DPH6: variants seen among roughly 807,000 people sequenced by gnomAD.
DPH6 encodes the protein diphthine--ammonia ligase.
Under a neutral mutation model 38.2 loss-of-function variants are expected in DPH6, and 33 were observed. That is an observed-to-expected ratio of 0.86 (90% CI 0.65 to 1.15). DPH6 has a LOEUF of 1.15. DPH6 is among the 50% of genes most tolerant of loss of function. DPH6 has a pLI of 0.00. For synonymous variants in DPH6, 108 were observed against 103.0 expected, an observed-to-expected ratio of 1.05 and a Z score of -0.30; for missense variants, 325 against 320.0, an observed-to-expected ratio of 1.02 and a Z score of -0.12.
chr15:35,218,394 A>G (rs2051422294), exon 4 of DPH6: 3 of 152,220 alleles, frequency 2.0e-5, no homozygotes, highest in African/African-American at 7.2e-5. Flanking sequence ...AAAGTGCACA[A>G]AAGATTCAGT....
the DPH6 span, among the ~76,000 whole-genome samples, chr15:35,175,405 C>T: frequency 2.0e-5 from 3 of 152,142 alleles, no homozygotes; most frequent in Non-Finnish European, 4.4e-5. Context: ...TCTCTGTGAC[C>T]CTCGTGAGCT....
chr15:35,496,454 T>C (rs375337586), intron 3 of DPH6, among the ~76,000 whole-genome samples: 5 of 146,452 alleles, frequency 3.4e-5, no homozygotes, highest in East Asian at 4.0e-4. Flanking sequence ...ACTTGGGAGG[T>C]TGAGGCAGGA....
intron 3 of DPH6, among the ~76,000 whole-genome samples, chr15:35,457,057 G>A (rs1040806554): frequency 6.6e-6 from 1 of 151,956 alleles, no homozygotes; most frequent in African/African-American, 2.4e-5. Flanking sequence ...GGGTTCAAGC[G>A]ATTCTTCTGC....
At chr15:35,182,387 A>G in the DPH6 span, among the ~76,000 whole-genome samples, 2 of 152,108 alleles carry the variant, frequency 1.3e-5, no homozygotes, top group African/African-American at 2.4e-5. Flanking sequence ...TTTAGTTTCT[A>G]TTGAAGAACT....
intron 6 of DPH6, among the ~76,000 whole-genome samples, chr15:35,389,758 T>G (rs1168865064): frequency 2.0e-5 from 3 of 152,226 alleles, no homozygotes; most frequent in Non-Finnish European, 4.4e-5. Flanking sequence ...ATTGGTTTCC[T>G]GAATACAGCA....
At chr15:35,184,226 T>C in the DPH6 span, among the ~76,000 whole-genome samples, 4 of 152,352 alleles carry the variant, frequency 2.6e-5, no homozygotes, top group African/African-American at 9.6e-5. Context: ...AGTTTTGCGA[T>C]GGTTTCATTC....
chr15:35,459,685 T>C (rs911206096), intron 3 of DPH6, among the ~76,000 whole-genome samples: 2 of 151,960 alleles, frequency 1.3e-5, no homozygotes, highest in African/African-American at 4.8e-5. Context: ...ACACCGGGGG[T>C]ACACCAACAT....
At chr15:35,325,361 T>C (rs1216276018) in intron 3 of DPH6, among the ~76,000 whole-genome samples, 19 of 152,160 alleles carry the variant, frequency 1.2e-4, no homozygotes, top group Non-Finnish European at 1.5e-5. Context: ...ACTGTGTTAC[T>C]AGAACAAAAA....
intron 3 of DPH6, among the ~76,000 whole-genome samples, chr15:35,252,573 AAGCACTGCTGG>A (rs1385523674): frequency 6.6e-6 from 1 of 152,204 alleles, no homozygotes; most frequent in African/African-American, 2.4e-5. Context: ...ATACCTTGAG[AAGCACTGCTGG>A]AGGGTTATAT....
chr15:35,509,064 T>C (rs1177508580), intron 3 of DPH6, among the ~76,000 whole-genome samples: 1 of 152,196 alleles, frequency 6.6e-6, no homozygotes, highest in Non-Finnish European at 1.5e-5. Flanking sequence ...CAATGTAATT[T>C]CACAGTTTTG....
rs1254208811 is a variant in DPH6, at chr15:35,243,468, T to A, written n.201-22886A>T. 1.4e-5 allele frequency among the ~76,000 whole-genome samples: 2 copies of A among 144,000 alleles called. 1 individual carries two copies. Among genetic ancestry groups the A allele is most frequent in the Admixed American group, 1.5e-4 (2 of 13,372 alleles). The allele number at this position is 144,000 out of a possible 152,430, so 94.5% of individuals were successfully genotyped here. Reference sequence around the variant, plus strand: ...TGTGACTTGCACGTATATGCCCAGATGGCCTGAAGTAACTGAAGAATCACA... The same window carrying A: ...TGTGACTTGCACGTATATGCCCAGAAGGCCTGAAGTAACTGAAGAATCACA... On this transcript the variant is annotated intron_variant and non_coding_transcript_variant, in intron 3 of 3. Coordinates refer to the DPH6 transcript ENST00000560386.
rs367775407 is a variant in DPH6 at position 35,307,038 on chromosome 15, T to A, written n.200+66483A>T. On this transcript the variant is annotated intron_variant and non_coding_transcript_variant, in intron 3 of 3. Coordinates refer to the DPH6 transcript ENST00000560386. Reference sequence around the variant, plus strand: ...CTTTAGGGCTTTTATAGTATGACTGTGCACAGTACAATCACAAAAATATGT... The same window carrying A: ...CTTTAGGGCTTTTATAGTATGACTGAGCACAGTACAATCACAAAAATATGT... Among the ~76,000 whole-genome samples, 14 of 152,232 alleles carry A rather than the reference T, an allele frequency of 9.2e-5. 2 individuals carry two copies. The highest frequency in any genetic ancestry group is 2.0e-4 in the Admixed American group (3 of 15,268).
intron 3 of DPH6, among the ~76,000 whole-genome samples, chr15:35,494,710 C>T (rs1161495501): frequency 6.6e-6 from 1 of 151,870 alleles, no homozygotes; most frequent in Non-Finnish European, 1.5e-5. Context: ...TCAAAACTAT[C>T]AATCAATACA....
chr15:35,159,125 C>T, the DPH6 span, among the ~76,000 whole-genome samples: 1 of 152,066 alleles, frequency 6.6e-6, no homozygotes, highest in Non-Finnish European at 1.5e-5. Flanking sequence ...TCTCTCTACT[C>T]CTCACTCTCA....
chr15:35,209,259 TAACCTC>T, the DPH6 span, among the ~76,000 whole-genome samples: 1 of 152,184 alleles, frequency 6.6e-6, no homozygotes, highest in African/African-American at 2.4e-5. Flanking sequence ...ATGTAGTTCT[TAACCTC>T]AACAAAGAAC....
At chr15:35,286,154 C>G (rs2051942602) in intron 3 of DPH6, among the ~76,000 whole-genome samples, 1 of 152,006 alleles carries the variant, frequency 6.6e-6, no homozygotes. Context: ...TCATCACAGA[C>G]TAGGTAGATT....
chr15:35,169,712 A>G, the DPH6 span: 2 of 152,166 alleles, frequency 1.3e-5, no homozygotes, highest in African/African-American at 4.8e-5. Context: ...CAATGTAAAG[A>G]TAATAATACC....
rs570469756 is a variant in DPH6, at chr15:35,457,310, C to T, written c.313-2490G>A. 2.0e-5 allele frequency among the ~76,000 whole-genome samples: 3 copies of T among 151,856 alleles called. No individual in the cohort carries two copies. The South Asian group carries it at 6.2e-4, about 32-fold the overall frequency. ...TTAACTAATCAGCACTAAGTAAACT[C>T]TGACTATTCTTCAACACTGAGCCTA... On this transcript the variant is annotated intron_variant, in intron 3 of 8. Coordinates refer to ENST00000256538, the MANE Select transcript of DPH6 (RefSeq NM_080650.4).
chr15:35,177,814 T>G, the DPH6 span, among the ~76,000 whole-genome samples: 1 of 151,760 alleles, frequency 6.6e-6, no homozygotes, highest in African/African-American at 2.4e-5. Flanking sequence ...TGGTGGCACA[T>G]GCCTGTAATC....
Sources: allele counts gnomAD v4.1 joint callset (sites outside exome capture counted in the v4.1 genomes callset), GRCh38; gene constraint gnomAD v4.1.1; transcripts MANE v1.5; gene names NCBI Gene and HGNC (gene_info 2026-07-23, HGNC 2026-07-21).